CAPN8: variants seen among roughly 807,000 people sequenced by gnomAD.
CAPN8 encodes the protein calpain-8.
Under a neutral mutation model 80.9 loss-of-function variants are expected in CAPN8, and 87 were observed. That is an observed-to-expected ratio of 1.07 (90% CI 0.90 to 1.28). The LOEUF (loss-of-function observed/expected upper bound fraction) is 1.28. Ranked by LOEUF, CAPN8 falls within the 50% of genes most tolerant of loss-of-function variation. CAPN8 has a pLI of 0.00. For synonymous variants in CAPN8, 299 were observed against 273.8 expected (o/e 1.09, Z -0.91); for missense variants, 757 against 702.0 (o/e 1.08, Z -0.89).
intron 13 of CAPN8, among the ~76,000 whole-genome samples, chr1:223,556,813 T>C (rs1656916030): frequency 6.6e-6 from 1 of 152,148 alleles, no homozygotes; most frequent in African/African-American, 2.4e-5. Context: ...CTCAGCTCCA[T>C]ACTCTACACT....
chr1:223,555,241 A>G (rs1656877562), intron 13 of CAPN8, among the ~76,000 whole-genome samples: 1 of 152,180 alleles, frequency 6.6e-6, no homozygotes, highest in Non-Finnish European at 1.5e-5. Flanking sequence ...ATGTTACTTC[A>G]TTTTAAATGT....
chr1:223,555,383 T>C (rs1656880326), intron 13 of CAPN8, among the ~76,000 whole-genome samples: 1 of 152,192 alleles, frequency 6.6e-6, no homozygotes, highest in Non-Finnish European at 1.5e-5. Flanking sequence ...ACTCTCAGCC[T>C]CTCTGGGGCT....
At chr1:223,646,117 GACA>G (rs1363831356) in intron 2 of CAPN8, among the ~76,000 whole-genome samples, 6 of 152,318 alleles carry the variant, frequency 3.9e-5, no homozygotes, top group South Asian at 2.1e-4. Context: ...GAACAGCTGA[GACA>G]ACAAGAGGGC....
At chr1:223,558,065 A>C in intron 13 of CAPN8, 66 bp downstream of exon 13, 2 of 398,604 alleles carry the variant, frequency 5.0e-6, no homozygotes, top group Admixed American at 4.4e-5. Context: ...CTGACAAATC[A>C]AGAAGAAACC....
intron 13 of CAPN8, among the ~76,000 whole-genome samples, 195 bp from the exon 14 acceptor site, chr1:223,554,095 G>T (rs1355022500): frequency 6.6e-6 from 1 of 152,238 alleles, no homozygotes; most frequent in African/African-American, 2.4e-5. Flanking sequence ...TTACAGTCCA[G>T]CAGGGATGAG....
rs1175663554 is a variant in CAPN8, at chr1:223,665,650, C to T, written c.-4G>A. On this transcript the variant is annotated 5_prime_UTR_variant, in exon 1 of 21. Coordinates refer to ENST00000366872, the MANE Select transcript of CAPN8 (RefSeq NM_001143962.2). ...CACCAGCTGCCTGGGCTGCCATGGC[C>T]GTGGGCTCTGTAGGGTGGACAGAAG... 10 of 1,550,622 alleles carry T rather than the reference C, an allele frequency of 6.4e-6. No homozygotes were observed. The Admixed American group carries it at 9.8e-5, about 15-fold the overall frequency.
At chr1:223,615,912 G>T in intron 10 of CAPN8, 58 bp downstream of exon 10, 1 of 1,539,118 alleles carries the variant, frequency 6.5e-7, no homozygotes, top group Non-Finnish European at 8.8e-7. Flanking sequence ...GACTGGCCAA[G>T]ATATTCAGCC....
chr1:223,618,344 G>A (rs952528439), intron 9 of CAPN8: 125 of 1,548,050 alleles, frequency 8.1e-5, no homozygotes, highest in Non-Finnish European at 1.1e-4. Context: ...TGCACCAGGT[G>A]AGGACCCAGG....
chr1:223,637,234 C>G (rs1428982397), intron 2 of CAPN8, among the ~76,000 whole-genome samples: 2 of 152,178 alleles, frequency 1.3e-5, no homozygotes, highest in Non-Finnish European at 2.9e-5. Context: ...TTTTCTGAAC[C>G]TGGCAGACAG....
At chr1:223,556,299 T>TGG (rs1656905299) in intron 13 of CAPN8, among the ~76,000 whole-genome samples, 2 of 152,142 alleles carry the variant, frequency 1.3e-5, no homozygotes, top group African/African-American at 4.8e-5. Context: ...CTGTGTATTC[T>TGG]GGGGTGTGTG....
intron 2 of CAPN8, among the ~76,000 whole-genome samples, chr1:223,642,476 A>G (rs1051026581): frequency 5.9e-5 from 9 of 152,198 alleles, no homozygotes; most frequent in African/African-American, 1.7e-4. Context: ...CTCAGACCTG[A>G]TAGCAGCGTA....
chr1:223,629,232 T>TGTGTGTGTGTGTGTGTGTG (rs68132305), intron 2 of CAPN8, among the ~76,000 whole-genome samples: 3,261 of 132,442 alleles, frequency 0.025, 61 homozygotes, highest in Non-Finnish European at 0.031. Context: ...GTGTGTGTGT[T>TGTGTGTGTGTGTGTGTGTG]TATGTTCCTT....
chr1:223,650,964 G>T (rs1341934490), intron 2 of CAPN8, among the ~76,000 whole-genome samples: 1 of 152,204 alleles, frequency 6.6e-6, no homozygotes, highest in Non-Finnish European at 1.5e-5. Context: ...GGAGGGACTG[G>T]CTGGGTCGCT....
At chr1:223,651,822 C>T (rs754756487) in intron 2 of CAPN8, among the ~76,000 whole-genome samples, 153 of 152,336 alleles carry the variant, frequency 1.0e-3, no homozygotes, top group Non-Finnish European at 2.0e-3. Context: ...AGTGAAATGA[C>T]ACCAAATAAT....
chr1:223,545,392 C>T, intron 16 of CAPN8, 93 bp from the exon 17 acceptor site: 1 of 1,527,200 alleles, frequency 6.5e-7, no homozygotes, highest in Admixed American at 2.0e-5. Context: ...GCCTTAAGGC[C>T]TTAGTGAACC....
intron 11 of CAPN8, among the ~76,000 whole-genome samples, chr1:223,611,037 G>A (rs574336128): frequency 1.1e-4 from 17 of 152,224 alleles, no homozygotes; most frequent in African/African-American, 3.9e-4. Flanking sequence ...CCCGGCACTC[G>A]TAGAGCACAG....
At chr1:223,620,011 C>T (rs1223261021) in intron 8 of CAPN8, among the ~76,000 whole-genome samples, 181 bp downstream of exon 8, 1 of 152,120 alleles carries the variant, frequency 6.6e-6, no homozygotes, top group African/African-American at 2.4e-5. Context: ...ATCATGGTTT[C>T]AGTGCTTTAG....
At chr1:223,549,253 T>A in intron 16 of CAPN8, 65 bp downstream of exon 16, 4 of 1,529,468 alleles carry the variant, frequency 2.6e-6, no homozygotes, top group Admixed American at 4.1e-5. Context: ...CTGGAAAAGG[T>A]GGAGGAGTCT....
At chr1:223,633,946 C>T (rs1323738042) in intron 2 of CAPN8, among the ~76,000 whole-genome samples, 3 of 152,148 alleles carry the variant, frequency 2.0e-5, no homozygotes, top group African/African-American at 7.2e-5. Flanking sequence ...CCTACAGTAG[C>T]CCCTACATTA....
Sources: allele counts gnomAD v4.1 joint callset (sites outside exome capture counted in the v4.1 genomes callset), GRCh38; gene constraint gnomAD v4.1.1; transcripts MANE v1.5; gene names NCBI Gene and HGNC (gene_info 2026-07-23, HGNC 2026-07-21).